Variants in STIM1 observed in about 807,000 individuals in gnomAD.
The protein encoded by STIM1 is stromal interaction molecule 1.
STIM1 carries 25 observed loss-of-function variants against 74.7 expected under a neutral mutation model. The ratio of observed to expected loss-of-function variants is 0.33; its 90% CI spans 0.24 to 0.47. The LOEUF (loss-of-function observed/expected upper bound fraction) is 0.47. Among genes scored for constraint, STIM1 ranks in the 20% least tolerant of loss-of-function variants. The pLI is 1.00. For synonymous variants in STIM1, 328 were observed against 348.8 expected (o/e 0.94, Z 0.66); for missense variants, 728 against 920.8 (o/e 0.79, Z 2.71).
At chr11:3,895,716 T>C (rs1169519107) in intron 1 of STIM1, among the ~76,000 whole-genome samples, 1 of 38,058 alleles carries the variant, frequency 2.6e-5, no homozygotes, top group African/African-American at 1.7e-4. Flanking sequence ...CTTTCTTTCT[T>C]TCTTTCTTTC....
intron 1 of STIM1, among the ~76,000 whole-genome samples, chr11:3,895,675 CTTCCTTCCTTCTTTCTTTCTTTCTTTCT>C (rs1565104876): frequency 0.078 from 3,784 of 48,666 alleles, 489 homozygotes; most frequent in East Asian, 0.17. Flanking sequence ...TCTTTCTTTC[CTTCCTTCCTTCTTTCTTTCTTTCTTTCT>C]TTCTTTCTTT....
chr11:3,973,866 A>G, intron 2 of STIM1: 1 of 455,760 alleles, frequency 2.2e-6, no homozygotes, highest in Non-Finnish European at 4.0e-6. Context: ...GGCACATGCC[A>G]CCATACCCAG....
At chr11:3,975,479 G>A (rs1405303883) in intron 2 of STIM1, among the ~76,000 whole-genome samples, 2 of 151,008 alleles carry the variant, frequency 1.3e-5, no homozygotes, top group African/African-American at 2.4e-5. Flanking sequence ...ATTAGCTGGT[G>A]TGGTGACACG....
chr11:3,901,297 A>C (rs747382053), intron 1 of STIM1, among the ~76,000 whole-genome samples: 2 of 152,236 alleles, frequency 1.3e-5, no homozygotes, highest in Non-Finnish European at 2.9e-5. Flanking sequence ...GGAGGCTTTA[A>C]TATGATAAGG....
intron 1 of STIM1, among the ~76,000 whole-genome samples, chr11:3,868,993 G>A (rs7126252): frequency 0.57 from 85,757 of 151,006 alleles, 24,796 homozygotes; most frequent in African/African-American, 0.68. Flanking sequence ...TTTTTTGACC[G>A]AGTCTCACTC....
intron 1 of STIM1, among the ~76,000 whole-genome samples, chr11:3,884,794 A>T (rs111300146): frequency 6.0e-4 from 91 of 151,488 alleles, no homozygotes; most frequent in Admixed American, 1.2e-3. Context: ...AAAAAAAAAA[A>T]GGGGTATGTT....
intron 1 of STIM1, among the ~76,000 whole-genome samples, chr11:3,895,654 CTT>C (rs1392368407): frequency 1.4e-4 from 2 of 14,366 alleles, no homozygotes; most frequent in African/African-American, 4.1e-4. Flanking sequence ...TTCTTTCTTT[CTT>C]TCTTTCTTTC....
At chr11:4,015,442 G>T (rs1443450306) in intron 2 of STIM1, among the ~76,000 whole-genome samples, 2 of 152,114 alleles carry the variant, frequency 1.3e-5, no homozygotes, top group African/African-American at 4.8e-5. Flanking sequence ...TCCCTTTGTG[G>T]GTAACCCGAC....
chr11:4,076,803 A>C, intron 7 of STIM1, among the ~76,000 whole-genome samples: 1 of 148,428 alleles, frequency 6.7e-6, no homozygotes, highest in South Asian at 2.1e-4. Flanking sequence ...GTTATCTAGT[A>C]TATTGCTTGA....
chr11:3,911,567 TG>T (rs1335302540), intron 1 of STIM1, among the ~76,000 whole-genome samples: 1 of 152,086 alleles, frequency 6.6e-6, no homozygotes, highest in African/African-American at 2.4e-5. Context: ...AAATTTTTTT[TG>T]TAGAGACGGG....
intron 1 of STIM1, among the ~76,000 whole-genome samples, chr11:3,957,324 T>C (rs1565127652): frequency 6.6e-6 from 1 of 151,714 alleles, no homozygotes; most frequent in Non-Finnish European, 1.5e-5. Context: ...TGGTGTGGTC[T>C]TGGCTCACTG....
chr11:3,884,184 T>G (rs2091621520), intron 1 of STIM1, among the ~76,000 whole-genome samples: 1 of 152,130 alleles, frequency 6.6e-6, no homozygotes, highest in Non-Finnish European at 1.5e-5. Flanking sequence ...TCTTCTTCTA[T>G]CTCTGTGCTT....
intron 1 of STIM1, among the ~76,000 whole-genome samples, chr11:3,930,490 C>A (rs1384962486): frequency 6.6e-6 from 1 of 152,046 alleles, no homozygotes; most frequent in African/African-American, 2.4e-5. Context: ...AAAATGGGGG[C>A]AAACATGAAG....
chr11:4,053,601 G>A (rs551960194), intron 3 of STIM1, among the ~76,000 whole-genome samples: 1 of 152,138 alleles, frequency 6.6e-6, no homozygotes, highest in Admixed American at 6.5e-5. Flanking sequence ...GGAAGGGGGA[G>A]AGATAGCATT....
chr11:4,067,922 A>C (rs923394488), intron 5 of STIM1, among the ~76,000 whole-genome samples: 1 of 152,234 alleles, frequency 6.6e-6, no homozygotes, highest in African/African-American at 2.4e-5. Context: ...GATGATCACT[A>C]GGAACCTTAA....
intron 6 of STIM1, 26 bp downstream of exon 6, chr11:4,070,229 T>A: frequency 6.2e-7 from 1 of 1,612,970 alleles, no homozygotes; most frequent in Non-Finnish European, 8.5e-7. Context: ...TCAGGAAAGG[T>A]GAGGCCCTGC....
chr11:3,949,661 T>G (rs186350498), intron 1 of STIM1, among the ~76,000 whole-genome samples: 1 of 152,230 alleles, frequency 6.6e-6, no homozygotes, highest in Admixed American at 6.5e-5. Flanking sequence ...TTGGGAACCC[T>G]GTGAAGGATT....
intron 1 of STIM1, among the ~76,000 whole-genome samples, chr11:3,958,385 G>T (rs1026614699): frequency 6.6e-6 from 1 of 152,192 alleles, no homozygotes; most frequent in African/African-American, 2.4e-5. Context: ...GTAGTGATTT[G>T]TGTTAGTGTT....
intron 3 of STIM1, among the ~76,000 whole-genome samples, chr11:4,043,006 T>G (rs1221726308): frequency 6.6e-6 from 1 of 152,190 alleles, no homozygotes; most frequent in Non-Finnish European, 1.5e-5. Context: ...ACGAAATAAA[T>G]GCTTGTTGAA....
Sources: gnomAD v4.1 joint callset for allele counts (sites outside exome capture counted in the v4.1 genomes callset) on GRCh38, gnomAD v4.1.1 for gene constraint, MANE v1.5 for transcripts, NCBI Gene and HGNC (gene_info 2026-07-23, HGNC 2026-07-21) for gene names.